WDR20: variants seen among roughly 807,000 people sequenced by gnomAD.
The protein encoded by WDR20 is WD repeat-containing protein 20.
Under a neutral mutation model 38.7 loss-of-function variants are expected in WDR20, and 3 were observed. That is an observed-to-expected ratio of 0.08 (90% CI 0.04 to 0.20). The LOEUF (loss-of-function observed/expected upper bound fraction) is 0.20. WDR20 is among the 10% of genes least tolerant of loss of function. The pLI is 1.00. For synonymous variants in WDR20, 298 were observed against 285.6 expected, an observed-to-expected ratio of 1.04 and a Z score of -0.44; for missense variants, 559 against 727.7, an observed-to-expected ratio of 0.77 and a Z score of 2.67.
intron 1 of WDR20, among the ~76,000 whole-genome samples, chr14:102,170,211 C>G (rs575936140): frequency 1.8e-4 from 27 of 152,218 alleles, no homozygotes; most frequent in African/African-American, 4.6e-4. Flanking sequence ...TGTACAATAT[C>G]CCATTGTGTA....
chr14:102,212,841 GTTA>G (rs1567087174), downstream of WDR20: 5 of 1,296,374 alleles, frequency 3.9e-6, no homozygotes, highest in Non-Finnish European at 4.9e-6. Context: ...CAGCCTAAAC[GTTA>G]TTATGAGCAA....
intron 1 of WDR20, among the ~76,000 whole-genome samples, chr14:102,163,706 C>T (rs1163650709): frequency 1.3e-5 from 2 of 150,732 alleles, no homozygotes; most frequent in African/African-American, 4.9e-5. Context: ...CAGTCACAAC[C>T]TCCAATCTTA....
At chr14:102,198,551 A>C (rs976361069) in intron 2 of WDR20, 6 of 155,372 alleles carry the variant, frequency 3.9e-5, no homozygotes, top group African/African-American at 1.2e-4. Context: ...TGCAAAAGGA[A>C]TAGCACATGA....
chr14:102,192,437 C>T (rs1205444394), intron 1 of WDR20, among the ~76,000 whole-genome samples: 1 of 152,182 alleles, frequency 6.6e-6, no homozygotes, highest in African/African-American at 2.4e-5. Context: ...CCTCAGCCTC[C>T]CAAAGTGCTG....
intron 1 of WDR20, among the ~76,000 whole-genome samples, chr14:102,184,527 C>T (rs2064115823): frequency 6.6e-6 from 1 of 152,020 alleles, no homozygotes; most frequent in African/African-American, 2.4e-5. Context: ...GAATGTCCGC[C>T]CTCTGCTTGT....
At chr14:102,198,465 C>A in intron 2 of WDR20, 1 of 165,356 alleles carries the variant, frequency 6.0e-6, no homozygotes, top group South Asian at 1.1e-4. Context: ...ATCTCTCGGA[C>A]GAAGTGCTAT....
chr14:102,214,453 C>G (rs2062961321), downstream of WDR20: 1 of 985,340 alleles, frequency 1.0e-6, no homozygotes, highest in Admixed American at 6.1e-5. Context: ...TAGTTACGAA[C>G]TATAAGAACG....
rs920546193 is a variant in WDR20 at position 102,173,015 on chromosome 14, C to T, written c.250-21923C>T. ...CACTCCCCACATCTCAGACGATGGG[C>T]GGCCGGGCAGAGACGCTCCTCACTT... On this transcript the variant is annotated intron_variant, in intron 1 of 2. Transcript: ENST00000342702. 6.2e-4 allele frequency among the ~76,000 whole-genome samples: 94 copies of T among 151,416 alleles called. 2 individuals are homozygous for T. Among genetic ancestry groups the T allele is most frequent in the Middle Eastern group, 3.4e-3 (1 of 292 alleles).
At chr14:102,200,467 TTGTGTGTGTGTGTGTGTG>T (rs71395660) in intron 2 of WDR20, among the ~76,000 whole-genome samples, 22 of 117,688 alleles carry the variant, frequency 1.9e-4, no homozygotes, top group Admixed American at 4.3e-4. Flanking sequence ...ATTTTTTTTT[TTGTGTGTGTGTGTGTGTG>T]TGTGTGTGTG....
chr14:102,222,954 T>C lies in WDR20; in HGVS notation c.*71T>C. 3.1e-6 allele frequency: 5 copies of C among 1,589,544 alleles called. No homozygotes were observed. The highest frequency in any genetic ancestry group is 2.2e-5 in the East Asian group (1 of 44,716). Reference sequence around the variant, plus strand: ...GGAGTGACGAGGAGGAGCTCCGAGCTGCGCCTGAGCCGTGCCAGCCGGCGG... The same window carrying C: ...GGAGTGACGAGGAGGAGCTCCGAGCCGCGCCTGAGCCGTGCCAGCCGGCGG... On this transcript the variant is annotated 3_prime_UTR_variant, in exon 4 of 4. Coordinates refer to the WDR20 transcript ENST00000335263. The surrounding 1 kb of genome is among the most constrained non-coding windows in gnomAD (Gnocchi z 4.4).
At chr14:102,223,921 C>G (rs114881398), downstream of WDR20, among the ~76,000 whole-genome samples, 197 of 152,282 alleles carry the variant, frequency 1.3e-3, no homozygotes, top group African/African-American at 4.5e-3. Flanking sequence ...GATCACGTTT[C>G]CATACAACTC....
At chr14:102,176,310 G>A (rs769089839) in intron 1 of WDR20, among the ~76,000 whole-genome samples, 2 of 151,906 alleles carry the variant, frequency 1.3e-5, no homozygotes, top group African/African-American at 2.4e-5. Flanking sequence ...CAGGAGAATC[G>A]CTTGAACCCA....
At chr14:102,183,851 T>G (rs1394728405) in intron 1 of WDR20, among the ~76,000 whole-genome samples, 2 of 152,194 alleles carry the variant, frequency 1.3e-5, no homozygotes, top group African/African-American at 2.4e-5. Flanking sequence ...ACAACAACAG[T>G]GTAGTAGTTA....
At chr14:102,161,677 G>A (rs2058787686) in intron 1 of WDR20, among the ~76,000 whole-genome samples, 1 of 152,094 alleles carries the variant, frequency 6.6e-6, no homozygotes, top group African/African-American at 2.4e-5. Flanking sequence ...TTCAGGCATG[G>A]TTTGATTGGG....
chr14:102,145,626 G>T (rs2053318882), intron 1 of WDR20, among the ~76,000 whole-genome samples: 2 of 152,048 alleles, frequency 1.3e-5, no homozygotes, highest in Admixed American at 1.3e-4. Context: ...CTCTACAAGG[G>T]TGGGCGTGGT....
chr14:102,211,899 C>T (rs1335901395), downstream of WDR20, among the ~76,000 whole-genome samples: 1 of 152,190 alleles, frequency 6.6e-6, no homozygotes, highest in African/African-American at 2.4e-5. This position sits in a 1 kb window ranked among gnomAD's most constrained non-coding sequence, Gnocchi z 4.2. Flanking sequence ...TTTCTGGCGA[C>T]CTTGCAGTTC....
intron 2 of WDR20, among the ~76,000 whole-genome samples, chr14:102,205,260 CAAA>C (rs574170540): frequency 8.6e-6 from 1 of 116,770 alleles, no homozygotes. Flanking sequence ...GACCCTGTCT[CAAA>C]AAAAAAAAAA....
rs1002735824 is a variant in WDR20, at chr14:102,207,777, G to A, written c.433-826G>A. On this transcript the variant is annotated intron_variant, in intron 2 of 2. Coordinates refer to ENST00000342702, the MANE Select transcript of WDR20 (RefSeq NM_144574.4). The surrounding 1 kb of genome is among the most constrained non-coding windows in gnomAD (Gnocchi z 5.0). The stretch of plus-strand genomic sequence containing the variant: ...GAGACTTGTGCCTTTGGTGGGGCAG[G>A]TATTTTTGCCCTTCGTTATTTGGGT... 2.0e-5 allele frequency among the ~76,000 whole-genome samples: 3 copies of A among 152,182 alleles called. No homozygotes were observed. The highest frequency in any genetic ancestry group is 4.8e-5 in the African/African-American group (2 of 41,436).
chr14:102,175,870 A>G (rs1596319245), intron 1 of WDR20, among the ~76,000 whole-genome samples: 1 of 152,210 alleles, frequency 6.6e-6, no homozygotes, highest in East Asian at 1.9e-4. Flanking sequence ...GTTGGTATAT[A>G]GCAGAGCCAC....
Sources: gnomAD v4.1 joint callset for allele counts (sites outside exome capture counted in the v4.1 genomes callset) on GRCh38, gnomAD v4.1.1 for gene constraint, Gnocchi (gnomAD v3.1) non-coding constraint, MANE v1.5 for transcripts, NCBI Gene and HGNC (gene_info 2026-07-23, HGNC 2026-07-21) for gene names.